FAT3: variants seen among roughly 807,000 people sequenced by gnomAD.
The protein encoded by FAT3 is protocadherin Fat 3.
In FAT3, 95 loss-of-function variants were observed where a neutral mutation model predicts 310.2. The observed-to-expected ratio is 0.31, with a 90% CI of 0.26 to 0.36. The LOEUF is 0.36. Ranked by LOEUF, FAT3 falls within the 10% of genes least tolerant of loss-of-function variation. FAT3 has a pLI of 1.00. For synonymous variants in FAT3, 2,314 were observed against 2,192.9 expected (o/e 1.06, Z -1.54); for missense variants, 5,408 against 5,715.6 (o/e 0.95, Z 1.74).
At chr11:92,550,854 G>C (rs994687274) in intron 3 of FAT3, among the ~76,000 whole-genome samples, 1 of 150,854 alleles carries the variant, frequency 6.6e-6, no homozygotes, top group Non-Finnish European at 1.5e-5. Flanking sequence ...CCTGGCATGG[G>C]TATATTTGGG....
chr11:92,788,500 C>G (rs1946955236), intron 7 of FAT3, among the ~76,000 whole-genome samples: 1 of 152,008 alleles, frequency 6.6e-6, no homozygotes, highest in African/African-American at 2.4e-5. Flanking sequence ...GAGAACTATT[C>G]CAGCTAATAA....
chr11:92,581,254 C>A (rs1250995568), intron 3 of FAT3, among the ~76,000 whole-genome samples: 1 of 152,020 alleles, frequency 6.6e-6, no homozygotes, highest in Admixed American at 6.6e-5. Context: ...CACCTTCTTA[C>A]ACCAGTATCC....
intron 2 of FAT3, among the ~76,000 whole-genome samples, chr11:92,415,107 A>T (rs1950380312): frequency 1.3e-5 from 2 of 152,172 alleles, no homozygotes; most frequent in African/African-American, 2.4e-5. Context: ...GACCTTCTGA[A>T]TTGAAAAATA....
Position 92,326,829 on chromosome 11 carries a change from C to A in FAT3, c.-17-25267C>A, listed in dbSNP as rs185270691. On this transcript the variant is annotated intron_variant, in intron 1 of 27. Transcript: ENST00000525166. ...TACTCTCAAGACTTAGAAATAGGGA[C>A]CTATATTGACTCACTTCTTATTTAG... Among the ~76,000 whole-genome samples, 25 of 152,280 alleles carry A rather than the reference C, an allele frequency of 1.6e-4. No homozygotes were observed. The East Asian group carries it at 4.8e-3, about 29-fold the overall frequency.
chr11:92,790,333 C>CT, intron 8 of FAT3, 115 bp downstream of exon 8: 1 of 1,143,368 alleles, frequency 8.7e-7, no homozygotes, highest in South Asian at 1.7e-5. Context: ...TAAATTTAGT[C>CT]TTTTCACAGA....
At chr11:92,595,750 A>G (rs750388330) in intron 3 of FAT3, among the ~76,000 whole-genome samples, 10 of 152,224 alleles carry the variant, frequency 6.6e-5, no homozygotes, top group Non-Finnish European at 1.5e-4. Context: ...GAATAAATAA[A>G]TATGACCTCA....
intron 1 of FAT3, among the ~76,000 whole-genome samples, chr11:92,263,769 T>C (rs1865662128): frequency 6.6e-6 from 1 of 152,092 alleles, no homozygotes; most frequent in Non-Finnish European, 1.5e-5. Flanking sequence ...ATTGATCATG[T>C]CCTACTTTGT....
At position 92,251,906 on chromosome 11, in the gene FAT3, T is replaced by TGG. The variant is rs572574001; in HGVS notation, c.-18+26732_-18+26733insGG. On this transcript the variant is annotated intron_variant, in intron 1 of 27. Coordinates refer to ENST00000525166, the MANE Select transcript of FAT3 (RefSeq NM_001367949.2). The stretch of plus-strand genomic sequence containing the variant: ...TTACCGATGATCCAGAAAGGCTCTA[T>TGG]CAGCAAGCTGAGTGTATGTTGAAAA... 2.0e-3 allele frequency among the ~76,000 whole-genome samples: 309 copies of TGG among 152,304 alleles called. 1 individual carries two copies. Among genetic ancestry groups the TGG allele is most frequent in the Non-Finnish European group, 4.0e-3 (270 of 68,016 alleles).
At chr11:92,758,735 T>C (rs555111800) in intron 4 of FAT3, among the ~76,000 whole-genome samples, 253 of 152,224 alleles carry the variant, frequency 1.7e-3, no homozygotes, top group Non-Finnish European at 2.9e-3. Context: ...CCAAGCAAGA[T>C]GCAAGGGGGG....
intron 2 of FAT3, among the ~76,000 whole-genome samples, chr11:92,423,969 A>C (rs1303256356): frequency 1.3e-5 from 2 of 152,216 alleles, no homozygotes; most frequent in Non-Finnish European, 1.5e-5. Context: ...TTGATCCAAC[A>C]AGTGGGTCTC....
intron 2 of FAT3, among the ~76,000 whole-genome samples, chr11:92,511,820 C>T (rs1035871445): frequency 2.0e-5 from 3 of 152,090 alleles, no homozygotes; most frequent in Admixed American, 2.0e-4. Flanking sequence ...TGGTTCCAGA[C>T]CAATCCAACA....
At chr11:92,832,066 C>T (rs919430289) in intron 14 of FAT3, 55 bp downstream of exon 14, 6 of 1,481,966 alleles carry the variant, frequency 4.0e-6, no homozygotes, top group African/African-American at 2.8e-5. Flanking sequence ...CACGGTGGCT[C>T]ACACCTGTAA....
chr11:92,697,285 T>C (rs1943970671), intron 3 of FAT3, 99 bp from the exon 4 acceptor site: 5 of 952,276 alleles, frequency 5.3e-6, no homozygotes, highest in African/African-American at 4.8e-5. Context: ...TACAGTTCCA[T>C]ACCACTTTTG....
At chr11:92,371,885 A>C (rs1158240201) in intron 2 of FAT3, among the ~76,000 whole-genome samples, 1 of 152,164 alleles carries the variant, frequency 6.6e-6, no homozygotes, top group East Asian at 1.9e-4. Flanking sequence ...AGTACATGCT[A>C]ATGTTTTACT....
intron 2 of FAT3, among the ~76,000 whole-genome samples, chr11:92,467,492 A>G (rs1951795155): frequency 6.6e-6 from 1 of 152,200 alleles, no homozygotes; most frequent in Non-Finnish European, 1.5e-5. Flanking sequence ...GTGTAAAGAC[A>G]GAAACCCGTG....
At chr11:92,862,195 G>A (rs1365693372) in intron 21 of FAT3, among the ~76,000 whole-genome samples, 2 of 152,166 alleles carry the variant, frequency 1.3e-5, no homozygotes, top group East Asian at 1.9e-4. Flanking sequence ...CTAGACCGAG[G>A]TGAACTACTT....
At chr11:92,669,033 A>G (rs1442331997) in intron 3 of FAT3, among the ~76,000 whole-genome samples, 2 of 152,178 alleles carry the variant, frequency 1.3e-5, no homozygotes. Flanking sequence ...ATTTTAATTT[A>G]CAAGATTACA....
intron 2 of FAT3, among the ~76,000 whole-genome samples, chr11:92,522,355 A>G (rs941242658): frequency 6.6e-6 from 1 of 152,142 alleles, no homozygotes; most frequent in Non-Finnish European, 1.5e-5. Flanking sequence ...ACACCTGTTC[A>G]GGTATCCAAC....
At chr11:92,554,460 T>TA (rs1954939077) in intron 3 of FAT3, among the ~76,000 whole-genome samples, 1 of 44,314 alleles carries the variant, frequency 2.3e-5, no homozygotes, top group African/African-American at 1.4e-4. Context: ...AGACTCCATC[T>TA]CAAAAAAAAA....
Sources: allele counts gnomAD v4.1 joint callset (sites outside exome capture counted in the v4.1 genomes callset), GRCh38; gene constraint gnomAD v4.1.1; transcripts MANE v1.5; gene names NCBI Gene and HGNC (gene_info 2026-07-23, HGNC 2026-07-21).